SRGAP3: variants seen among roughly 807,000 people sequenced by gnomAD.
SRGAP3 encodes the protein SLIT-ROBO Rho GTPase-activating protein 3.
A neutral mutation model predicts 121.1 loss-of-function variants in SRGAP3; 39 were observed. That is an observed-to-expected ratio of 0.32 (90% confidence interval 0.25 to 0.42). The LOEUF (loss-of-function observed/expected upper bound fraction) is 0.42. Ranked by LOEUF, SRGAP3 falls within the 10% of genes least tolerant of loss-of-function variation. SRGAP3 has a pLI of 1.00. For missense variants in SRGAP3, 1,213 were observed against 1,470.6 expected (o/e 0.82, Z 2.86); for synonymous variants, 601 against 570.0 (o/e 1.05, Z -0.77).
intron 12 of SRGAP3, among the ~76,000 whole-genome samples, chr3:9,027,301 C>CG (rs887692487): frequency 5.9e-5 from 9 of 152,230 alleles, no homozygotes; most frequent in Non-Finnish European, 1.0e-4. Flanking sequence ...GGAACCACCT[C>CG]GGGGGGGTGC....
At chr3:9,243,806 T>C (rs1953733600) in intron 1 of SRGAP3, among the ~76,000 whole-genome samples, 1 of 152,194 alleles carries the variant, frequency 6.6e-6, no homozygotes, top group Non-Finnish European at 1.5e-5. Context: ...TTTTGCAAAC[T>C]GGTGGCCCAA....
intron 10 of SRGAP3, among the ~76,000 whole-genome samples, chr3:9,046,112 C>A (rs895107641): frequency 2.6e-5 from 4 of 151,766 alleles, no homozygotes; most frequent in East Asian, 1.9e-4. Context: ...AGTCTTCCCC[C>A]CTCCTACCCC....
At chr3:9,183,882 G>A (rs1368406734) in intron 1 of SRGAP3, among the ~76,000 whole-genome samples, 4 of 147,596 alleles carry the variant, frequency 2.7e-5, no homozygotes, top group South Asian at 2.3e-4. Flanking sequence ...GCTGTACCCC[G>A]AGATGAAACT....
At chr3:9,192,879 T>A (rs1951799828) in intron 1 of SRGAP3, 1 of 152,010 alleles carries the variant, frequency 6.6e-6, no homozygotes. Context: ...CATGATAAGG[T>A]CAAATGTACA....
intron 3 of SRGAP3, among the ~76,000 whole-genome samples, chr3:9,303,552 T>C (rs1392498969): frequency 6.6e-6 from 1 of 152,162 alleles, no homozygotes; most frequent in East Asian, 1.9e-4. Context: ...TCATCTTGCA[T>C]ACCTGAAATT....
chr3:9,240,833 A>G (rs1953606993), intron 1 of SRGAP3, among the ~76,000 whole-genome samples: 1 of 152,188 alleles, frequency 6.6e-6, no homozygotes, highest in Non-Finnish European at 1.5e-5. Flanking sequence ...CCGTGCGGGC[A>G]GTTTTGCAGT....
chr3:9,231,230 T>C (rs1461516987), intron 1 of SRGAP3, among the ~76,000 whole-genome samples: 1 of 152,178 alleles, frequency 6.6e-6, no homozygotes, highest in Non-Finnish European at 1.5e-5. Flanking sequence ...CAAACAATAG[T>C]GTAACTGGTG....
chr3:9,212,015 G>C (rs1952463616), intron 1 of SRGAP3, among the ~76,000 whole-genome samples: 1 of 152,062 alleles, frequency 6.6e-6, no homozygotes, highest in South Asian at 2.1e-4. Context: ...GACCCTGGCA[G>C]TTCGACAAAC....
At chr3:9,002,421 T>C (rs1258453885) in intron 18 of SRGAP3, among the ~76,000 whole-genome samples, 12 of 152,046 alleles carry the variant, frequency 7.9e-5, no homozygotes, top group Non-Finnish European at 1.5e-4. Context: ...TCAAAACTTA[T>C]GGGATGCAGC....
rs572706784 is a variant in SRGAP3, at chr3:9,039,426, C to A, written c.1409-1336G>T. 3.3e-5 allele frequency among the ~76,000 whole-genome samples: 5 copies of A among 152,312 alleles called. No individual in the cohort carries two copies. In the South Asian group the frequency reaches 1.0e-3, roughly 32 times the overall value. ...CTCCCTACTCTATGTCCAGATCTTA[C>A]GCTTCCCTAGAATTCCAAACTCAGA... On this transcript the variant is annotated intron_variant, in intron 10 of 21. Coordinates refer to ENST00000383836, the MANE Select transcript of SRGAP3 (RefSeq NM_014850.4).
rs1006220408 is a variant in SRGAP3 at position 9,124,586 on chromosome 3, T to G, written c.260+139A>C. 8 of 1,077,314 alleles carry G rather than the reference T, an allele frequency of 7.4e-6. No individual in the cohort carries two copies. The African/African-American group carries it at 1.2e-4, about 17-fold the overall frequency. The allele number at this position is 1,077,314 out of a possible 1,614,324, so 66.7% of individuals were successfully genotyped here. ...GAAGACTGAGGCTTGGAGGTGTAAG[T>G]AACCTGCAGAGCCAGGGCCCTGAAG... On this transcript the variant is annotated intron_variant, in intron 2 of 21. Transcript: ENST00000383836.
chr3:9,281,887 G>T (rs1954686679), intron 3 of SRGAP3, among the ~76,000 whole-genome samples: 1 of 152,074 alleles, frequency 6.6e-6, no homozygotes, highest in Admixed American at 6.5e-5. Flanking sequence ...TGGCCAGGCT[G>T]GTCTCAAACC....
intron 6 of SRGAP3, chr3:9,059,668 TCCTGCAC>T: frequency 1.5e-5 from 3 of 198,684 alleles, no homozygotes; most frequent in East Asian, 1.3e-4. Flanking sequence ...CTGTGGCGTG[TCCTGCAC>T]AGCGGGTACT....
At chr3:9,029,969 T>C (rs1268376887) in intron 12 of SRGAP3, among the ~76,000 whole-genome samples, 7 of 134,820 alleles carry the variant, frequency 5.2e-5, no homozygotes, top group Non-Finnish European at 9.4e-5. Flanking sequence ...GGTAAGATCC[T>C]GTCTCTACAA....
chr3:9,047,497 G>A (rs555370153), intron 9 of SRGAP3, 22 bp from the exon 10 acceptor site: 2 of 1,612,326 alleles, frequency 1.2e-6, no homozygotes, highest in East Asian at 2.2e-5. Context: ...AAGGCACAAG[G>A]AAGTTATAGA....
chr3:9,034,315 G>A (rs573943613), intron 11 of SRGAP3: 1 of 152,306 alleles, frequency 6.6e-6, no homozygotes, highest in South Asian at 2.1e-4. Context: ...GCCAGGCACA[G>A]ATAATGTCCA....
chr3:9,319,208 C>G (rs1018830219), intron 3 of SRGAP3, among the ~76,000 whole-genome samples: 1 of 151,818 alleles, frequency 6.6e-6, no homozygotes, highest in Non-Finnish European at 1.5e-5. Flanking sequence ...GATTAAAAAG[C>G]CTTGCCTAAA....
At chr3:9,028,612 G>A (rs187431736) in intron 12 of SRGAP3, among the ~76,000 whole-genome samples, 1 of 152,304 alleles carries the variant, frequency 6.6e-6, no homozygotes, top group African/African-American at 2.4e-5. Flanking sequence ...TTCAGCTCAA[G>A]AAACATTCTT....
At chr3:9,137,844 C>T (rs1474008801) in intron 1 of SRGAP3, among the ~76,000 whole-genome samples, 2 of 152,224 alleles carry the variant, frequency 1.3e-5, no homozygotes, top group Non-Finnish European at 2.9e-5. Context: ...TCCACACCTT[C>T]CAGATGTTCA....
Sources: allele counts gnomAD v4.1 joint callset (sites outside exome capture counted in the v4.1 genomes callset), GRCh38; gene constraint gnomAD v4.1.1; transcripts MANE v1.5; gene names NCBI Gene and HGNC (gene_info 2026-07-23, HGNC 2026-07-21).